The following DENND4C variants were observed in gnomAD, a reference collection of about 807,000 sequenced individuals.
DENND4C encodes DENN domain containing 4C.
In DENND4C, 108 loss-of-function variants were observed where a neutral mutation model predicts 203.0. That is an observed-to-expected ratio of 0.53 (90% CI 0.46 to 0.62). The LOEUF (loss-of-function observed/expected upper bound fraction) is 0.62. Ranked by LOEUF, DENND4C falls within the 20% of genes least tolerant of loss-of-function variation. DENND4C has a pLI of 0.00. For missense variants in DENND4C, 2,481 were observed against 2,301.2 expected (o/e 1.08, Z -1.60); for synonymous variants, 871 against 792.4 (o/e 1.10, Z -1.67).
chr9:19,231,176 G>A (rs752244889), intron 1 of DENND4C, among the ~76,000 whole-genome samples: 4 of 152,224 alleles, frequency 2.6e-5, no homozygotes, highest in Non-Finnish European at 5.9e-5. Context: ...CGGGGCGACG[G>A]CCGCTTTGGT....
chr9:19,230,989 G>A (rs1214521891), intron 1 of DENND4C, among the ~76,000 whole-genome samples, 156 bp downstream of exon 1: 1 of 152,244 alleles, frequency 6.6e-6, no homozygotes, highest in Non-Finnish European at 1.5e-5. Context: ...GGCGGAGAGT[G>A]GCCGCGGCTG....
At position 19,305,335 on chromosome 9, in the gene DENND4C, TA is replaced by T. The variant is rs1563783989; in HGVS notation, c.1312-13del. On this transcript the variant is annotated splice_polypyrimidine_tract_variant and intron_variant, in intron 9 of 32. Transcript: ENST00000434457. ...CAAATTTAAAATTTGGTTAATTTTT[TA>T]AAACTTTTTCCCCAGATGATCTTTC... 3 of 1,574,584 alleles carry T rather than the reference TA, an allele frequency of 1.9e-6. No individual in the cohort carries two copies. The South Asian group carries it at 3.5e-5, about 18-fold the overall frequency.
chr9:19,301,894 G>A (rs926950811), intron 9 of DENND4C, among the ~76,000 whole-genome samples: 2 of 152,042 alleles, frequency 1.3e-5, no homozygotes, highest in African/African-American at 4.8e-5. Context: ...CTGAGATTGC[G>A]CCACTGCACT....
At chr9:19,326,040 T>C (rs1405097196) in intron 14 of DENND4C, 24 bp from the exon 15 acceptor site, 6 of 1,606,660 alleles carry the variant, frequency 3.7e-6, no homozygotes, top group Non-Finnish European at 5.1e-6. Flanking sequence ...TGCAAATTAA[T>C]TGGGGAAAAA....
chr9:19,259,961 C>A (rs1315038649), intron 1 of DENND4C, among the ~76,000 whole-genome samples: 2 of 152,076 alleles, frequency 1.3e-5, no homozygotes, highest in South Asian at 4.1e-4. Context: ...GATTTCCTTT[C>A]TTTTTGGTAT....
intron 2 of DENND4C, among the ~76,000 whole-genome samples, chr9:19,284,823 C>G (rs186203480): frequency 1.3e-5 from 2 of 151,952 alleles, no homozygotes; most frequent in Admixed American, 1.3e-4. Flanking sequence ...AATAAGTTGC[C>G]AAGTATTTTC....
chr9:19,369,826 C>T lies in DENND4C; in HGVS notation c.5525-11C>T. On this transcript the variant is annotated splice_polypyrimidine_tract_variant and intron_variant, in intron 30 of 32. Transcript: ENST00000434457. The stretch of plus-strand genomic sequence containing the variant: ...TAATTGAAAAAAAACTTACTGTGTT[C>T]TTATTGTTAGATTCTGAAAAGAAAT... The T allele has an allele frequency of 6.5e-7, 1 of 1,535,296 alleles. No homozygotes were observed. The highest frequency in any genetic ancestry group is 8.7e-7 in the Non-Finnish European group (1 of 1,144,336).
At chr9:19,266,469 C>G (rs1048496331) in intron 1 of DENND4C, among the ~76,000 whole-genome samples, 9 of 152,128 alleles carry the variant, frequency 5.9e-5, no homozygotes, top group African/African-American at 1.9e-4. Flanking sequence ...TGAATTAGAT[C>G]CCATTTGTCA....
chr9:19,293,069 A>G (rs1363717755), intron 5 of DENND4C, among the ~76,000 whole-genome samples: 1 of 152,188 alleles, frequency 6.6e-6, no homozygotes, highest in African/African-American at 2.4e-5. Context: ...TATTAACTTG[A>G]TTGCCCACTA....
intron 9 of DENND4C, among the ~76,000 whole-genome samples, chr9:19,303,610 A>G (rs1839041489): frequency 6.6e-6 from 1 of 152,232 alleles, no homozygotes; most frequent in Admixed American, 6.5e-5. Context: ...ATTATGTAGA[A>G]CAGTGATTGG....
At chr9:19,273,307 A>T (rs1832157029) in intron 1 of DENND4C, among the ~76,000 whole-genome samples, 1 of 151,878 alleles carries the variant, frequency 6.6e-6, no homozygotes, top group African/African-American at 2.4e-5. Context: ...GCTGGTCTGG[A>T]ACTCCTGACC....
chr9:19,343,814 T>G (rs965522100), intron 22 of DENND4C, among the ~76,000 whole-genome samples: 1 of 152,350 alleles, frequency 6.6e-6, no homozygotes, highest in Non-Finnish European at 1.5e-5. Context: ...TTTTAACTTA[T>G]TTTCATATTA....
At position 19,316,699 on chromosome 9, in the gene DENND4C, C is replaced by G; in HGVS notation, c.1667C>G (p.Thr556Arg). 6.2e-7 allele frequency: 1 copy of G among 1,614,040 alleles called. No homozygotes were observed. The highest frequency in any genetic ancestry group is 8.5e-7 in the Non-Finnish European group (1 of 1,179,986). Reference sequence around the variant, plus strand: ...GATTTCTCCTGGCAAAAGAAGATGACACAGCTTGAGATGGAAATTCAAGAG... The same window carrying G: ...GATTTCTCCTGGCAAAAGAAGATGAGACAGCTTGAGATGGAAATTCAAGAG... ...EADFSWQKKMTQLEMEIQEAF... is the reference protein window; with the variant it reads ...EADFSWQKKMRQLEMEIQEAF... Residue 556 changes from threonine (T) to arginine (R), a missense_variant, in exon 12 of 33, where the codon ACA becomes AGA. By Grantham distance (71) the Thr-to-Arg change is moderately conservative. Coordinates refer to ENST00000434457, the MANE Select transcript of DENND4C (RefSeq NM_001330640.2).
At chr9:19,242,737 C>T (rs926682085) in intron 1 of DENND4C, among the ~76,000 whole-genome samples, 5 of 151,906 alleles carry the variant, frequency 3.3e-5, no homozygotes, top group Admixed American at 3.3e-4. Flanking sequence ...CTCACTGCAA[C>T]CTCTGCCTCC....
At chr9:19,317,373 T>G (rs1008437600) in intron 12 of DENND4C, among the ~76,000 whole-genome samples, 3 of 152,088 alleles carry the variant, frequency 2.0e-5, no homozygotes, top group Non-Finnish European at 4.4e-5. Context: ...GGCACTACAT[T>G]TTAACCATTT....
intron 6 of DENND4C, 151 bp downstream of exon 6, chr9:19,296,397 C>G (rs1837471874): frequency 1.7e-6 from 1 of 588,602 alleles, no homozygotes; most frequent in Non-Finnish European, 2.9e-6. Context: ...TGGAGTATTG[C>G]TCTGTCACCC....
intron 1 of DENND4C, among the ~76,000 whole-genome samples, chr9:19,237,592 T>A (rs1020855301): frequency 6.6e-6 from 1 of 150,534 alleles, no homozygotes; most frequent in Non-Finnish European, 1.5e-5. Context: ...CTCCTCACTT[T>A]GTGATCCGCC....
intron 15 of DENND4C, among the ~76,000 whole-genome samples, chr9:19,327,382 A>G (rs1818045115): frequency 6.6e-6 from 1 of 152,100 alleles, no homozygotes; most frequent in African/African-American, 2.4e-5. Context: ...GCTAGTAGTT[A>G]GAATGTATGT....
intron 31 of DENND4C, 89 bp downstream of exon 31, chr9:19,370,076 C>T (rs758539596): frequency 3.4e-6 from 5 of 1,455,270 alleles, no homozygotes; most frequent in South Asian, 2.3e-5. Flanking sequence ...CTCTAGTTGT[C>T]GAAGAAACAC....
Sources: allele counts gnomAD v4.1 joint callset (sites outside exome capture counted in the v4.1 genomes callset), GRCh38; gene constraint gnomAD v4.1.1; transcripts MANE v1.5; gene names NCBI Gene and HGNC (gene_info 2026-07-23, HGNC 2026-07-21).